The following PTPRN2 variants were observed in gnomAD, a reference collection of about 807,000 sequenced individuals.
The protein encoded by PTPRN2 is receptor-type tyrosine-protein phosphatase N2.
A neutral mutation model predicts 118.8 loss-of-function variants in PTPRN2; 74 were observed. The observed-to-expected ratio is 0.62, with a 90% confidence interval of 0.52 to 0.76. The LOEUF (loss-of-function observed/expected upper bound fraction) is 0.76, where lower values mean the gene tolerates loss of function less well. Ranked by LOEUF, PTPRN2 falls within the 30% of genes least tolerant of loss-of-function variation. The pLI is 0.00. For missense variants in PTPRN2, 1,481 were observed against 1,394.4 expected, an observed-to-expected ratio of 1.06 and a Z score of -0.99; for synonymous variants, 641 against 608.0, an observed-to-expected ratio of 1.05 and a Z score of -0.80.
intron 2 of PTPRN2, among the ~76,000 whole-genome samples, chr7:158,328,536 CTG>C (rs1160384560): frequency 6.6e-6 from 1 of 152,214 alleles, no homozygotes; most frequent in Non-Finnish European, 1.5e-5. Context: ...GAGGCTCTGA[CTG>C]GGGAGGAGCC....
chr7:158,342,126 A>T (rs59709285), intron 2 of PTPRN2, among the ~76,000 whole-genome samples: 1 of 143,468 alleles, frequency 7.0e-6, no homozygotes, highest in Non-Finnish European at 1.5e-5. Context: ...CACTCTCACC[A>T]TAAGAGCTGT....
At chr7:158,202,750 G>C (rs1585835165) in intron 4 of PTPRN2, among the ~76,000 whole-genome samples, 1 of 152,172 alleles carries the variant, frequency 6.6e-6, no homozygotes, top group African/African-American at 2.4e-5. Context: ...AATGGTAAGA[G>C]CTGTTTTTAT....
rs1800481782 is a variant in PTPRN2, at chr7:157,583,051, TAAAC to T, written c.2497-4915_2497-4912del. 1.3e-5 allele frequency among the ~76,000 whole-genome samples: 2 copies of T among 152,200 alleles called. No homozygotes were observed. The highest frequency in any genetic ancestry group is 4.1e-4 in the South Asian group (2 of 4,822). ...TTGTTTATTGCAGAACTATTCACAA[TAAAC>T]AAGATTTGGAACAACCCACATGTCT... On this transcript the variant is annotated intron_variant, in intron 17 of 22. Coordinates refer to ENST00000389418, the MANE Select transcript of PTPRN2 (RefSeq NM_002847.5). The surrounding 1 kb of genome is among the most constrained non-coding windows in gnomAD (Gnocchi z 5.5).
chr7:158,174,032 A>G lies in PTPRN2; in HGVS notation c.550-6741T>C, dbSNP rs1403762738. Among the ~76,000 whole-genome samples, 4 of 152,212 alleles carry G rather than the reference A, an allele frequency of 2.6e-5. No homozygotes were observed. In the East Asian group the frequency reaches 5.8e-4, roughly 22 times the overall value. ...TGACATACATCCTCAGCTTATGAAG[A>G]TGATGGGATTAAGAGATTAAAGACA... On this transcript the variant is annotated intron_variant, in intron 5 of 22. Coordinates refer to ENST00000389418, the MANE Select transcript of PTPRN2 (RefSeq NM_002847.5).
At chr7:158,478,249 C>T (rs909722726) in intron 2 of PTPRN2, among the ~76,000 whole-genome samples, 3 of 152,232 alleles carry the variant, frequency 2.0e-5, no homozygotes, top group Admixed American at 2.0e-4. Flanking sequence ...GTCCAGAAAT[C>T]AGCCAGCACT....
intron 12 of PTPRN2, among the ~76,000 whole-genome samples, chr7:157,748,769 C>T (rs187676257): frequency 3.7e-4 from 30 of 82,180 alleles, no homozygotes; most frequent in African/African-American, 7.4e-4. Flanking sequence ...GGCCTGCGTC[C>T]CTGAGCTGTG....
At chr7:157,658,067 A>C (rs1377753118) in intron 13 of PTPRN2, among the ~76,000 whole-genome samples, 1 of 149,506 alleles carries the variant, frequency 6.7e-6, no homozygotes, top group Non-Finnish European at 1.5e-5. Flanking sequence ...TCACTCCTAT[A>C]GATTCAAGAA....
In PTPRN2 at chr7:158,083,540, CAGAGTCCAA is replaced by C. The variant is rs1160407836; in HGVS notation, c.1644-2172_1644-2164del. 3.3e-5 allele frequency among the ~76,000 whole-genome samples: 5 copies of C among 152,218 alleles called. No homozygotes were observed. The South Asian group carries it at 8.3e-4, about 25-fold the overall frequency. On this transcript the variant is annotated intron_variant, in intron 10 of 22. Coordinates refer to ENST00000389418, the MANE Select transcript of PTPRN2 (RefSeq NM_002847.5). ...GGCTGTGAGGAGGTTCTTGGTTCCT[CAGAGTCCAA>C]AGACCCAGACCCCTATGCTATGAAG...
intron 17 of PTPRN2, among the ~76,000 whole-genome samples, chr7:157,589,219 G>A (rs939029954): frequency 6.6e-6 from 1 of 152,168 alleles, no homozygotes; most frequent in African/African-American, 2.4e-5. Context: ...GGAGGCTCAC[G>A]ATGGCTTCAT....
intron 11 of PTPRN2, among the ~76,000 whole-genome samples, chr7:157,901,065 G>A (rs1260398578): frequency 1.3e-5 from 2 of 152,368 alleles, no homozygotes; most frequent in African/African-American, 4.8e-5. Context: ...AGTGGAAGGT[G>A]AAGGGAGCCA....
At chr7:158,582,600 GTTA>G (rs1363919026) in intron 1 of PTPRN2, among the ~76,000 whole-genome samples, 1 of 151,184 alleles carries the variant, frequency 6.6e-6, no homozygotes, top group African/African-American at 2.4e-5. Context: ...TCATTTTTTA[GTTA>G]TTATATTTAC....
chr7:157,734,716 T>C (rs1800198426), intron 12 of PTPRN2, among the ~76,000 whole-genome samples: 2 of 152,202 alleles, frequency 1.3e-5, no homozygotes, highest in Non-Finnish European at 2.9e-5. Context: ...CCATTCTCAT[T>C]TGGCTTCGAA....
At chr7:157,633,377 G>A (rs572495187) in intron 14 of PTPRN2, among the ~76,000 whole-genome samples, 3 of 152,240 alleles carry the variant, frequency 2.0e-5, no homozygotes, top group South Asian at 4.1e-4. Flanking sequence ...TCCTGACCTC[G>A]GGTGATCTGC....
intron 14 of PTPRN2, among the ~76,000 whole-genome samples, chr7:157,628,845 T>C (rs1039350170): frequency 6.6e-6 from 1 of 152,178 alleles, no homozygotes; most frequent in African/African-American, 2.4e-5. Flanking sequence ...ACTCTTATCC[T>C]CTTGTTTAAG....
intron 11 of PTPRN2, among the ~76,000 whole-genome samples, chr7:158,040,240 A>G (rs912122546): frequency 6.6e-6 from 1 of 152,218 alleles, no homozygotes; most frequent in Non-Finnish European, 1.5e-5. Flanking sequence ...TTAATGCCAG[A>G]CACCAAATCA....
intron 2 of PTPRN2, among the ~76,000 whole-genome samples, chr7:158,340,840 A>C: frequency 1.1e-5 from 1 of 90,038 alleles, no homozygotes. Context: ...CACTCTCACC[A>C]TAAGAGCTGA....
At position 157,571,202 on chromosome 7, in the gene PTPRN2, T is replaced by TTAAA. The variant is rs1554494502; in HGVS notation, c.2837+237_2837+238insTTTA. ...TGCACTGCAGCGTGGGCAACAGAGT[T>TTAAA]AAAAAAAAAAAAAAAAAAAAGCAAG... is the stretch of plus-strand genomic sequence containing the variant. On this transcript the variant is annotated intron_variant, in intron 20 of 22. Transcript: ENST00000389418. 4.7e-4 allele frequency among the ~76,000 whole-genome samples: 61 copies of TTAAA among 129,514 alleles called. 2 individuals are homozygous for TTAAA. The South Asian group carries it at 0.01, about 22-fold the overall frequency. 85.0% of individuals were successfully genotyped at this position (129,514 alleles called of 152,430 possible).
In PTPRN2 at chr7:157,682,845, C is replaced by T; in HGVS notation, c.1881G>A (p.Leu627=). Residue 627 remains leucine, a synonymous_variant, in exon 13 of 23, where the codon CTG becomes CTA. Coordinates refer to ENST00000389418, the MANE Select transcript of PTPRN2 (RefSeq NM_002847.5). ...TGAGGCCAGAGGCCAGGAGGACGCC[C>T]AGGATGCAGGCGAGGGAGACCAGGG... ...ALTLVSLACI[L]GVLLASGLIY... The T allele has an allele frequency of 3.1e-6, 5 of 1,613,958 alleles. No homozygotes were observed. The highest frequency in any genetic ancestry group is 2.7e-5 in the African/African-American group (2 of 75,048).
At chr7:157,935,518 G>A (rs964391330) in intron 11 of PTPRN2, among the ~76,000 whole-genome samples, 3 of 152,268 alleles carry the variant, frequency 2.0e-5, no homozygotes, top group Non-Finnish European at 2.9e-5. Context: ...AGGTTCCCAC[G>A]TGTCCCCTCT....
Sources: gnomAD v4.1 joint callset for allele counts (sites outside exome capture counted in the v4.1 genomes callset) on GRCh38, gnomAD v4.1.1 for gene constraint, Gnocchi (gnomAD v3.1) non-coding constraint, MANE v1.5 for transcripts, NCBI Gene and HGNC (gene_info 2026-07-23, HGNC 2026-07-21) for gene names.